RAB3GAP2: variants seen among roughly 807,000 people sequenced by gnomAD.
RAB3GAP2 encodes RAB3 GTPase activating non-catalytic protein subunit 2, also known as rab3 GTPase-activating protein non-catalytic subunit.
RAB3GAP2 carries 87 observed loss-of-function variants against 185.3 expected under a neutral mutation model. The observed-to-expected ratio is 0.47, with a 90% CI of 0.39 to 0.56. The LOEUF (loss-of-function observed/expected upper bound fraction) is 0.56, where lower values mean the gene tolerates loss of function less well. Among genes scored for constraint, RAB3GAP2 ranks in the 20% least tolerant of loss-of-function variants. The probability of loss-of-function intolerance (pLI) is 0.00; values close to 1 mark genes in which losing one functional copy is unlikely to be tolerated. For synonymous variants in RAB3GAP2, 554 were observed against 576.1 expected (o/e 0.96, Z 0.55); for missense variants, 1,492 against 1,638.2 (o/e 0.91, Z 1.54).
intron 31 of RAB3GAP2, 26 bp downstream of exon 31, chr1:220,157,244 G>C: frequency 6.3e-7 from 1 of 1,585,596 alleles, no homozygotes; most frequent in Non-Finnish European, 8.7e-7. Context: ...CTCCAAAATA[G>C]CTCTGAAATC....
intron 1 of RAB3GAP2, among the ~76,000 whole-genome samples, chr1:220,244,599 G>A (rs1249936233): frequency 6.6e-6 from 1 of 152,040 alleles, no homozygotes; most frequent in Non-Finnish European, 1.5e-5. Context: ...CATAGCCAAA[G>A]CAAGACTAAG....
intron 1 of RAB3GAP2, among the ~76,000 whole-genome samples, chr1:220,264,239 T>G (rs1247006259): frequency 1.3e-5 from 2 of 152,106 alleles, no homozygotes; most frequent in Admixed American, 6.5e-5. Flanking sequence ...GTATTAACAT[T>G]TTTCTTCTTG....
intron 1 of RAB3GAP2, among the ~76,000 whole-genome samples, chr1:220,240,785 G>A (rs1168579816): frequency 6.6e-6 from 1 of 151,886 alleles, no homozygotes; most frequent in African/African-American, 2.4e-5. Context: ...ACCTATCACT[G>A]AACAGGACTA....
In RAB3GAP2 at chr1:220,210,424, G is replaced by A; in HGVS notation, c.576C>T (p.Thr192=). The change falls in exon 7 of 35, where the codon ACC becomes ACT. Residue 192 remains threonine, a synonymous_variant. Coordinates refer to ENST00000358951, the MANE Select transcript of RAB3GAP2 (RefSeq NM_012414.4). ...CGCCGGGATGTCGTGGTATTTCATA[G>A]GTTCTGCATTTAAGTTGAAGTACTG... is the stretch of plus-strand genomic sequence containing the variant. ...EDPVLQLKCR[T]YEIPRHPGVT... is the part of the protein sequence containing the mutation. The A allele has an allele frequency of 1.9e-6, 3 of 1,614,044 alleles. No individual in the cohort carries two copies. Among genetic ancestry groups the A allele is most frequent in the Non-Finnish European group, 2.5e-6 (3 of 1,179,948 alleles).
chr1:220,261,886 C>A (rs1306238421), intron 1 of RAB3GAP2, among the ~76,000 whole-genome samples: 1 of 152,044 alleles, frequency 6.6e-6, no homozygotes, highest in Non-Finnish European at 1.5e-5. Context: ...TCAGGTAGGG[C>A]CTGGAACTAC....
At chr1:220,195,749 A>G (rs1430164814) in intron 10 of RAB3GAP2, among the ~76,000 whole-genome samples, 1 of 152,230 alleles carries the variant, frequency 6.6e-6, no homozygotes, top group African/African-American at 2.4e-5. Context: ...GCACACACAT[A>G]TACACACACA....
intron 2 of RAB3GAP2, among the ~76,000 whole-genome samples, chr1:220,223,593 A>C (rs1008010434): frequency 6.6e-6 from 1 of 152,144 alleles, no homozygotes; most frequent in African/African-American, 2.4e-5. Flanking sequence ...CAACAATTTC[A>C]AATACCTGAG....
chr1:220,213,743 G>GGAGA lies in RAB3GAP2; in HGVS notation c.304+109_304+112dup, dbSNP rs1553278905. The GGAGA allele has an allele frequency of 1.3e-4, 125 of 971,780 alleles. No homozygotes were observed. The African/African-American group carries it at 2.2e-3, about 17-fold the overall frequency. 60.2% of individuals were successfully genotyped at this position (971,780 alleles called of 1,614,324 possible). On this transcript the variant is annotated intron_variant, in intron 3 of 34. Transcript: ENST00000358951. ...GGCGGAGGAGGAGTTGGGGGGGGGG[G>GGAGA]GAGAGAGAGAGAAATAAATAAATAA...
intron 19 of RAB3GAP2, 55 bp downstream of exon 19, chr1:220,183,976 TAAAAA>T: frequency 7.4e-7 from 1 of 1,348,500 alleles, no homozygotes; most frequent in Non-Finnish European, 1.0e-6. Context: ...CTACTAATTT[TAAAAA>T]GTAAAACTAA....
In RAB3GAP2 at chr1:220,171,221, C is replaced by G. The variant is rs1658171138; in HGVS notation, c.2578-101G>C. ...AAGCTGATGGATACTGAGGATACAT[C>G]ACAAAGCAACACATACATGCTATTT... On this transcript the variant is annotated intron_variant, in intron 23 of 34. Transcript: ENST00000358951. 8 of 955,076 alleles carry G rather than the reference C, an allele frequency of 8.4e-6. No individual in the cohort carries two copies. In the Admixed American group the frequency reaches 1.6e-4, roughly 19 times the overall value. 59.2% of individuals were successfully genotyped at this position (955,076 alleles called of 1,614,324 possible).
intron 9 of RAB3GAP2, among the ~76,000 whole-genome samples, chr1:220,200,872 T>C (rs566585693): frequency 1.2e-4 from 18 of 152,260 alleles, no homozygotes; most frequent in African/African-American, 3.6e-4. Context: ...CCAGTTTGCA[T>C]AGAATGAGTA....
At chr1:220,246,889 G>A (rs1375693145) in intron 1 of RAB3GAP2, among the ~76,000 whole-genome samples, 1 of 151,150 alleles carries the variant, frequency 6.6e-6, no homozygotes, top group African/African-American at 2.4e-5. Context: ...CCTGCACGAT[G>A]TGCACATGTA....
At chr1:220,178,284 T>A (rs1231315821) in intron 21 of RAB3GAP2, among the ~76,000 whole-genome samples, 1 of 151,330 alleles carries the variant, frequency 6.6e-6, no homozygotes, top group African/African-American at 2.4e-5. Context: ...ACCTATCCTA[T>A]AAGAAATGTG....
chr1:220,149,018 C>CAA lies in RAB3GAP2; in HGVS notation c.*2231_*2232dup. On this transcript the variant is annotated 3_prime_UTR_variant, in exon 35 of 35. Coordinates refer to ENST00000358951, the MANE Select transcript of RAB3GAP2 (RefSeq NM_012414.4). ...GTTACTGGCTTCTCATCAATAACTA[C>CAA]AAAGTACCACATACCTTTGTTTCAG... 1 of 152,282 alleles carries CAA rather than the reference C, an allele frequency of 6.6e-6. No individual in the cohort carries two copies. The highest frequency in any genetic ancestry group is 6.5e-5 in the Admixed American group (1 of 15,296). The allele number at this position is 152,282 out of a possible 1,614,324, so 9.4% of individuals were successfully genotyped here.
chr1:220,193,905 A>G (rs1658672687), intron 12 of RAB3GAP2, among the ~76,000 whole-genome samples: 1 of 152,232 alleles, frequency 6.6e-6, no homozygotes, highest in Non-Finnish European at 1.5e-5. Flanking sequence ...AAGTACTAAA[A>G]GAGAACTAGG....
intron 22 of RAB3GAP2, 95 bp downstream of exon 22, chr1:220,172,542 G>C: frequency 1.2e-6 from 1 of 812,158 alleles, no homozygotes; most frequent in Non-Finnish European, 2.2e-6. Flanking sequence ...GTACACTACA[G>C]ACTCCTTTTG....
chr1:220,234,179 T>C (rs1056274766), intron 1 of RAB3GAP2, among the ~76,000 whole-genome samples: 1 of 152,182 alleles, frequency 6.6e-6, no homozygotes, highest in Non-Finnish European at 1.5e-5. Context: ...GATAGCATAC[T>C]AAAGTCCTCA....
chr1:220,165,513 A>G (rs1658047094), intron 26 of RAB3GAP2, among the ~76,000 whole-genome samples: 1 of 152,158 alleles, frequency 6.6e-6, no homozygotes, highest in Non-Finnish European at 1.5e-5. Context: ...ATCATCAAAC[A>G]TATCATCATT....
At chr1:220,165,274 G>T (rs545906065) in intron 26 of RAB3GAP2, among the ~76,000 whole-genome samples, 1 of 149,344 alleles carries the variant, frequency 6.7e-6, no homozygotes, top group East Asian at 1.9e-4. Flanking sequence ...ATTCTAGTGA[G>T]GGACCTATAT....
Sources: gnomAD v4.1 joint callset for allele counts (sites outside exome capture counted in the v4.1 genomes callset) on GRCh38, gnomAD v4.1.1 for gene constraint, MANE v1.5 for transcripts, NCBI Gene and HGNC (gene_info 2026-07-23, HGNC 2026-07-21) for gene names.